GABRG1: variants seen among roughly 807,000 people sequenced by gnomAD.
GABRG1 encodes the protein gamma-aminobutyric acid type A receptor subunit gamma1, also known as gamma-aminobutyric acid receptor subunit gamma-1.
Under a neutral mutation model 49.8 loss-of-function variants are expected in GABRG1, and 49 were observed. The observed-to-expected ratio is 0.98, with a 90% CI of 0.78 to 1.25. GABRG1 has a LOEUF of 1.25. Ranked by LOEUF, GABRG1 falls within the 50% of genes most tolerant of loss-of-function variation. The probability of loss-of-function intolerance (pLI) is 0.00; values close to 1 mark genes in which losing one functional copy is unlikely to be tolerated. For missense variants in GABRG1, 552 were observed against 552.3 expected, an observed-to-expected ratio of 1.00 and a Z score of 0.01; for synonymous variants, 232 against 185.1, an observed-to-expected ratio of 1.25 and a Z score of -2.06.
chr4:46,123,535 C>A lies in GABRG1; in HGVS notation c.104+275G>T, dbSNP rs557605875. Among the ~76,000 whole-genome samples the A allele has an allele frequency of 6.6e-5, 10 of 152,178 alleles. No homozygotes were observed. In the East Asian group the frequency reaches 1.2e-3, roughly 18 times the overall value. On this transcript the variant is annotated intron_variant, in intron 1 of 8. Transcript: ENST00000295452. ...ATTTCTACTCCCCCTCACTCCCTCC[C>A]AGTAACTCAACCTTCATTAGTTCAC...
At chr4:46,099,798 GGT>G (rs1720314981) in intron 1 of GABRG1, among the ~76,000 whole-genome samples, 2 of 151,472 alleles carry the variant, frequency 1.3e-5, no homozygotes, top group Admixed American at 1.3e-4. Flanking sequence ...TAAAACCCAT[GGT>G]CCTTCTACTA....
intron 1 of GABRG1, among the ~76,000 whole-genome samples, chr4:46,110,396 G>A (rs914044515): frequency 6.6e-6 from 1 of 150,758 alleles, no homozygotes; most frequent in Non-Finnish European, 1.5e-5. Flanking sequence ...TGAGCTGATG[G>A]GCATTACTAC....
intron 2 of GABRG1, among the ~76,000 whole-genome samples, chr4:46,087,332 A>G (rs918008982): frequency 4.9e-4 from 74 of 151,698 alleles, no homozygotes; most frequent in South Asian, 2.1e-4. Context: ...ACTGGTAGTA[A>G]TATATCAATA....
chr4:46,108,975 C>T (rs547649642), intron 1 of GABRG1, among the ~76,000 whole-genome samples: 66 of 151,058 alleles, frequency 4.4e-4, no homozygotes, highest in Middle Eastern at 3.4e-3. Context: ...TTTTAATATA[C>T]AGATCTTGTC....
At chr4:46,118,575 T>C (rs1295200880) in intron 1 of GABRG1, among the ~76,000 whole-genome samples, 1 of 151,258 alleles carries the variant, frequency 6.6e-6, no homozygotes, top group African/African-American at 2.4e-5. Flanking sequence ...TTTATGCTAG[T>C]TGAACACTAT....
chr4:46,077,994 T>A (rs1719423265), intron 3 of GABRG1, among the ~76,000 whole-genome samples: 2 of 151,692 alleles, frequency 1.3e-5, no homozygotes, highest in Non-Finnish European at 2.9e-5. Context: ...AATATTTAAT[T>A]TTTTCTCTAT....
At chr4:46,048,350 A>T (rs1718079590) in intron 8 of GABRG1, among the ~76,000 whole-genome samples, 2 of 150,678 alleles carry the variant, frequency 1.3e-5, no homozygotes, top group South Asian at 4.2e-4. Flanking sequence ...TGGAAGAAAA[A>T]TTTGGTCATA....
At chr4:46,089,825 G>A (rs2109426656) in intron 2 of GABRG1, among the ~76,000 whole-genome samples, 1 of 152,000 alleles carries the variant, frequency 6.6e-6, no homozygotes, top group South Asian at 2.1e-4. Flanking sequence ...TAGCTGTGCG[G>A]GGTGTGGCAC....
intron 5 of GABRG1, among the ~76,000 whole-genome samples, chr4:46,063,678 A>G (rs1012247369): frequency 1.3e-5 from 2 of 152,132 alleles, no homozygotes; most frequent in Non-Finnish European, 2.9e-5. Flanking sequence ...AAATTGACAA[A>G]TGGGATCTAA....
intron 7 of GABRG1, among the ~76,000 whole-genome samples, chr4:46,057,819 C>A (rs1718508613): frequency 6.6e-6 from 1 of 152,036 alleles, no homozygotes; most frequent in Non-Finnish European, 1.5e-5. Context: ...AAGCCATCTG[C>A]ACACCTCAGT....
At chr4:46,061,813 C>CGT (rs144801321) in intron 5 of GABRG1, among the ~76,000 whole-genome samples, 2,975 of 145,930 alleles carry the variant, frequency 0.02, 46 homozygotes, top group Admixed American at 0.043. Flanking sequence ...TTACCACTTA[C>CGT]ATTTTTTTTT....
intron 3 of GABRG1, among the ~76,000 whole-genome samples, chr4:46,076,391 A>ATATATC (rs1719332669): frequency 7.2e-6 from 1 of 139,096 alleles, no homozygotes; most frequent in Non-Finnish European, 1.6e-5. Flanking sequence ...ATATATATAT[A>ATATATC]TATATATATA....
chr4:46,102,608 C>G (rs925357825), intron 1 of GABRG1, among the ~76,000 whole-genome samples: 2 of 128,958 alleles, frequency 1.6e-5, no homozygotes, highest in African/African-American at 7.5e-5. Flanking sequence ...GACTTCTTCA[C>G]ACATTCAATT....
chr4:46,058,695 T>C (rs1718552809), intron 5 of GABRG1, 73 bp from the exon 6 acceptor site: 1 of 1,197,022 alleles, frequency 8.4e-7, no homozygotes, highest in Non-Finnish European at 1.2e-6. Flanking sequence ...TATCCAAAGG[T>C]AGATTCTTGG....
intron 1 of GABRG1, among the ~76,000 whole-genome samples, chr4:46,109,811 A>G (rs1720664140): frequency 6.6e-6 from 1 of 150,986 alleles, no homozygotes; most frequent in African/African-American, 2.4e-5. Flanking sequence ...TTTCCATATA[A>G]TTGTATGGTT....
In GABRG1 at chr4:46,058,331, T is replaced by A. The variant is rs778424074; in HGVS notation, c.802A>T (p.Arg268Ter). 6.2e-7 allele frequency: 1 copy of A among 1,612,468 alleles called. No individual in the cohort carries two copies. The highest frequency in any genetic ancestry group is 8.5e-7 in the Non-Finnish European group (1 of 1,179,354). ...VIMTIFFDLS[R>*]RMGYFTIQTY... ...TGAATAGTGAAATATCCCATTCTTC[T>A]GCTCAGGTCAAAAAAAATTGTCATG... is the stretch of plus-strand genomic sequence containing the variant. The change falls in exon 7 of 9, where the codon AGA becomes TGA. Residue 268 changes from arginine to a stop codon, truncating the protein, a stop_gained. Transcript: ENST00000295452. LOFTEE classifies it high-confidence loss of function.
At chr4:46,066,392 C>T (rs1440667111) in intron 3 of GABRG1, among the ~76,000 whole-genome samples, 3 of 152,168 alleles carry the variant, frequency 2.0e-5, no homozygotes, top group Admixed American at 2.0e-4. Flanking sequence ...AAATGCCAAA[C>T]ATATGTTAAG....
chr4:46,101,375 C>T (rs982131121), intron 1 of GABRG1, among the ~76,000 whole-genome samples: 3 of 151,028 alleles, frequency 2.0e-5, no homozygotes, highest in East Asian at 3.9e-4. Context: ...TTCACAAGAC[C>T]GCAACAAAAC....
At chr4:46,073,810 A>C (rs919035890) in intron 3 of GABRG1, among the ~76,000 whole-genome samples, 2 of 152,096 alleles carry the variant, frequency 1.3e-5, no homozygotes, top group African/African-American at 4.8e-5. Context: ...ATACAATATA[A>C]TTTTAATAAC....
Sources: allele counts gnomAD v4.1 joint callset (sites outside exome capture counted in the v4.1 genomes callset), GRCh38; gene constraint gnomAD v4.1.1; transcripts MANE v1.5; gene names NCBI Gene and HGNC (gene_info 2026-07-23, HGNC 2026-07-21).